The following RASA3 variants were observed in gnomAD, a reference collection of about 807,000 sequenced individuals.
RASA3 encodes the protein RAS p21 protein activator 3.
Under a neutral mutation model 110.0 loss-of-function variants are expected in RASA3, and 73 were observed. The ratio of observed to expected loss-of-function variants is 0.66; its 90% CI spans 0.55 to 0.81. The LOEUF (loss-of-function observed/expected upper bound fraction) is 0.81, where lower values mean the gene tolerates loss of function less well. RASA3 is among the 30% of genes least tolerant of loss of function. The probability of loss-of-function intolerance (pLI) is 0.00; values close to 1 mark genes in which losing one functional copy is unlikely to be tolerated. For synonymous variants in RASA3, 500 were observed against 451.4 expected (o/e 1.11, Z -1.37); for missense variants, 976 against 1,113.2 (o/e 0.88, Z 1.75).
At chr13:114,054,654 A>G (rs898214545) in intron 2 of RASA3, among the ~76,000 whole-genome samples, 2 of 152,262 alleles carry the variant, frequency 1.3e-5, no homozygotes, top group Non-Finnish European at 2.9e-5. Context: ...TTCCAAGGGA[A>G]GCCTAAAATG....
chr13:114,078,029 T>G (rs1294848344), intron 1 of RASA3: 1 of 976,504 alleles, frequency 1.0e-6, no homozygotes, highest in African/African-American at 1.8e-5. Context: ...ACATCCTGGT[T>G]GCTATGACGA....
rs1016158217 is a variant in RASA3, at chr13:114,057,353, A to C, written c.174-5198T>G. ...ACCACTGTGACCAAGCTTCATTCCC[A>C]CGAGCTGGACGAGCAGAAGGCATTG... On this transcript the variant is annotated intron_variant, in intron 2 of 23. Transcript: ENST00000334062. This position sits in a 1 kb window ranked among gnomAD's most constrained non-coding sequence, Gnocchi z 5.0. 3.0e-6 allele frequency: 3 copies of C among 985,228 alleles called. No homozygotes were observed. Among genetic ancestry groups the C allele is most frequent in the Non-Finnish European group, 3.6e-6 (3 of 829,916 alleles). 61.0% of individuals were successfully genotyped at this position (985,228 alleles called of 1,614,324 possible).
chr13:114,075,291 C>T (rs1052882859), intron 1 of RASA3, among the ~76,000 whole-genome samples: 4 of 152,146 alleles, frequency 2.6e-5, no homozygotes, highest in African/African-American at 7.2e-5. Flanking sequence ...ATGGGGCAGT[C>T]GGCTCATTTC....
intron 22 of RASA3, among the ~76,000 whole-genome samples, chr13:113,990,829 G>A (rs939292889): frequency 1.3e-5 from 2 of 152,250 alleles, no homozygotes; most frequent in Non-Finnish European, 2.9e-5. Context: ...GTACCTGTAT[G>A]TTCATTTCAC....
chr13:113,999,298 T>C (rs1003074313), intron 20 of RASA3, among the ~76,000 whole-genome samples: 7 of 152,190 alleles, frequency 4.6e-5, no homozygotes, highest in South Asian at 4.1e-4. Flanking sequence ...CCCCTTGACA[T>C]TGGGGACCCT....
intron 22 of RASA3, among the ~76,000 whole-genome samples, chr13:113,982,543 G>A (rs2052960269): frequency 6.6e-6 from 1 of 152,268 alleles, no homozygotes; most frequent in Non-Finnish European, 1.5e-5. Context: ...CCAGGGCAGG[G>A]CCCTGTGCCA....
At chr13:114,080,510 G>T (rs561267226) in intron 1 of RASA3, among the ~76,000 whole-genome samples, 1 of 152,306 alleles carries the variant, frequency 6.6e-6, no homozygotes, top group African/African-American at 2.4e-5. Context: ...TGAGGGGCGG[G>T]TGACCAGGCC....
chr13:114,082,664 G>A (rs746523848), intron 1 of RASA3, among the ~76,000 whole-genome samples: 3 of 152,206 alleles, frequency 2.0e-5, no homozygotes, highest in Non-Finnish European at 4.4e-5. Context: ...GGGGGGCAGG[G>A]AAAACAACTT....
rs9525269 is a variant in RASA3 at position 114,114,044 on chromosome 13, T to C, written c.55+18391A>G. ...CCCACCATGGCGAGTGATGTCCGTA[T>C]AGCTCACACCGCATCCATCAATCCA... On this transcript the variant is annotated intron_variant, in intron 1 of 23. Transcript: ENST00000334062. This position sits in a 1 kb window ranked among gnomAD's most constrained non-coding sequence, Gnocchi z 4.8. 4.1e-3 allele frequency among the ~76,000 whole-genome samples: 441 copies of C among 108,690 alleles called. 3 individuals are homozygous for C. In the Middle Eastern group the frequency reaches 0.042, roughly 10 times the overall value. The allele number at this position is 108,690 out of a possible 152,430, so 71.3% of individuals were successfully genotyped here.
chr13:114,010,825 C>T (rs147479672), intron 16 of RASA3, among the ~76,000 whole-genome samples: 6 of 5,090 alleles, frequency 1.2e-3, no homozygotes, highest in Admixed American at 7.1e-3. Flanking sequence ...GGCTGCGTGA[C>T]GAGGAGCCTC....
chr13:114,071,672 G>A (rs1056249824), intron 2 of RASA3, among the ~76,000 whole-genome samples: 4 of 152,166 alleles, frequency 2.6e-5, no homozygotes, highest in African/African-American at 9.7e-5. Flanking sequence ...TTTTTGACGA[G>A]TTATTTCAAA....
intron 18 of RASA3, among the ~76,000 whole-genome samples, chr13:114,005,694 T>C (rs1051054584): frequency 7.9e-5 from 12 of 152,136 alleles, no homozygotes; most frequent in African/African-American, 2.2e-4. Context: ...GGGAATCTTC[T>C]GGAATGTGCT....
intron 23 of RASA3, among the ~76,000 whole-genome samples, chr13:113,980,897 G>A (rs1420899721): frequency 2.0e-5 from 3 of 152,168 alleles, no homozygotes; most frequent in African/African-American, 7.2e-5. Context: ...AGGGAGGATC[G>A]AAGGGAGGGA....
intron 1 of RASA3, among the ~76,000 whole-genome samples, chr13:114,104,907 G>GC (rs1238380660): frequency 1.9e-5 from 2 of 106,410 alleles, no homozygotes; most frequent in Non-Finnish European, 3.9e-5. Flanking sequence ...ACACACGTTC[G>GC]CCCCCTCCCC....
At chr13:114,050,551 C>T (rs1250688231) in intron 3 of RASA3, among the ~76,000 whole-genome samples, 2 of 152,252 alleles carry the variant, frequency 1.3e-5, no homozygotes, top group Non-Finnish European at 2.9e-5. Flanking sequence ...TGAGGGGGCA[C>T]TGGCCTTATC....
intron 2 of RASA3, among the ~76,000 whole-genome samples, chr13:114,062,030 G>A (rs993398762): frequency 2.8e-4 from 43 of 152,266 alleles, no homozygotes; most frequent in African/African-American, 9.1e-4. Flanking sequence ...GACTGACGCC[G>A]TCCTGGACCA....
rs1178710754 is a variant in RASA3 at position 114,011,777 on chromosome 13, C to T, written c.1513-529G>A. The stretch of plus-strand genomic sequence containing the variant: ...ATCTCTAATAAAAATACAAAATTAG[C>T]TGGGCGTGGTGGCGCACGTCTGTAA... On this transcript the variant is annotated intron_variant, in intron 15 of 23. Transcript: ENST00000334062. This position sits in a 1 kb window ranked among gnomAD's most constrained non-coding sequence, Gnocchi z 4.8. Among the ~76,000 whole-genome samples the T allele has an allele frequency of 6.6e-6, 1 of 152,102 alleles. No individual in the cohort carries two copies. The highest frequency in any genetic ancestry group is 2.4e-5 in the African/African-American group (1 of 41,390).
chr13:114,104,806 G>A (rs2080111381), intron 1 of RASA3, among the ~76,000 whole-genome samples: 1 of 151,982 alleles, frequency 6.6e-6, no homozygotes, highest in South Asian at 2.1e-4. Context: ...TGGAGGGGGG[G>A]CTACCGCCTC....
chr13:114,070,172 G>A lies in RASA3; in HGVS notation c.173+3548C>T, dbSNP rs183671967. ...GGGAGACTCGGGGGTTGGGAGACTC[G>A]GGGGGCCGGGAGACTTGGGGGCTGG... On this transcript the variant is annotated intron_variant, in intron 2 of 23. Transcript: ENST00000334062. 9.6e-3 allele frequency among the ~76,000 whole-genome samples: 1,038 copies of A among 107,776 alleles called. 18 individuals are homozygous for A. Among genetic ancestry groups the A allele is most frequent in the African/African-American group, 0.036 (999 of 27,886 alleles). 70.7% of individuals were successfully genotyped at this position (107,776 alleles called of 152,430 possible). A position where few individuals can be genotyped will look rare whatever the true frequency, so the allele number is the denominator to read the frequency against.
Sources: allele counts gnomAD v4.1 joint callset (sites outside exome capture counted in the v4.1 genomes callset), GRCh38; gene constraint gnomAD v4.1.1; non-coding constraint Gnocchi (gnomAD v3.1); transcripts MANE v1.5; gene names NCBI Gene and HGNC (gene_info 2026-07-23, HGNC 2026-07-21).